MPRIP: variants seen among roughly 807,000 people sequenced by gnomAD.
The protein encoded by MPRIP is myosin phosphatase Rho interacting protein.
Under a neutral mutation model 234.9 loss-of-function variants are expected in MPRIP, and 59 were observed. The observed-to-expected ratio is 0.25, with a 90% CI of 0.20 to 0.31. MPRIP has a LOEUF of 0.31. Among genes scored for constraint, MPRIP ranks in the 10% least tolerant of loss-of-function variants. The probability of loss-of-function intolerance (pLI) is 1.00; values close to 1 mark genes in which losing one functional copy is unlikely to be tolerated. For synonymous variants in MPRIP, 1,144 were observed against 1,263.9 expected, an observed-to-expected ratio of 0.91 and a Z score of 2.01; for missense variants, 2,436 against 3,071.0, an observed-to-expected ratio of 0.79 and a Z score of 4.89.
Position 17,075,701 on chromosome 17 carries a change from C to T in MPRIP, c.124-9C>T. 2 of 1,613,552 alleles carry T rather than the reference C, an allele frequency of 1.2e-6. No homozygotes were observed. The highest frequency in any genetic ancestry group is 8.5e-7 in the Non-Finnish European group (1 of 1,179,738). On this transcript the variant is annotated splice_polypyrimidine_tract_variant and intron_variant, in intron 1 of 23. Transcript: ENST00000651222. ...CTGCTGGTGACCTGCCCTCTTTTTT[C>T]TCCTCTAGGCAAAACCCATTTATGG... is the stretch of plus-strand genomic sequence containing the variant.
At position 17,078,092 on chromosome 17, in the gene MPRIP, G is replaced by T. The variant is rs763800593; in HGVS notation, c.267+16G>T. On this transcript the variant is annotated intron_variant, in intron 3 of 23. Transcript: ENST00000651222. This position sits in a 1 kb window ranked among gnomAD's most constrained non-coding sequence, Gnocchi z 4.3. Reference sequence around the variant, plus strand: ...GGATGAGATGGTAAGTGTTATCCTTGCCCACTCCCTGTCCCCAGCCTTCAC... The same window carrying T: ...GGATGAGATGGTAAGTGTTATCCTTTCCCACTCCCTGTCCCCAGCCTTCAC... 6.2e-7 allele frequency: 1 copy of T among 1,613,650 alleles called. No homozygotes were observed. The highest frequency in any genetic ancestry group is 1.3e-5 in the African/African-American group (1 of 75,002).
chr17:17,156,261 C>T (rs773654704), intron 13 of MPRIP, among the ~76,000 whole-genome samples: 7 of 152,242 alleles, frequency 4.6e-5, no homozygotes, highest in East Asian at 1.9e-4. Flanking sequence ...TGCTTCCCTG[C>T]GTGCAGGGGC....
intron 5 of MPRIP, among the ~76,000 whole-genome samples, chr17:17,133,543 C>G (rs1444153358): frequency 1.3e-5 from 2 of 152,202 alleles, no homozygotes; most frequent in Non-Finnish European, 2.9e-5. Context: ...ACCCAAGACC[C>G]TATATTTCTT....
At chr17:17,050,838 C>T (rs568552224) in intron 1 of MPRIP, among the ~76,000 whole-genome samples, 1 of 152,160 alleles carries the variant, frequency 6.6e-6, no homozygotes, top group African/African-American at 2.4e-5. Context: ...CGGTGAGGGC[C>T]GTGGTGGGCA....
chr17:17,188,157 G>A lies in MPRIP; in HGVS notation c.*3263G>A, dbSNP rs1488667000. ...TGGAGACCAGCATTTCAGAGGACGC[G>A]CTGTCCACAGCCTCCCGGGTCTGAG... On this transcript the variant is annotated 3_prime_UTR_variant, in exon 24 of 24. Coordinates refer to ENST00000651222, the MANE Select transcript of MPRIP (RefSeq NM_001364716.4). 6.6e-6 allele frequency: 1 copy of A among 152,204 alleles called. No homozygotes were observed. Among genetic ancestry groups the A allele is most frequent in the Non-Finnish European group, 1.5e-5 (1 of 68,044 alleles). The allele number at this position is 152,204 out of a possible 1,614,324, so 9.4% of individuals were successfully genotyped here.
At chr17:17,069,859 T>C (rs2089152006) in intron 1 of MPRIP, among the ~76,000 whole-genome samples, 1 of 152,228 alleles carries the variant, frequency 6.6e-6, no homozygotes, top group Non-Finnish European at 1.5e-5. Context: ...TTTCTTCCTT[T>C]CAGATGTTCC....
At chr17:17,063,998 G>A (rs1462510741) in intron 1 of MPRIP, among the ~76,000 whole-genome samples, 2 of 152,208 alleles carry the variant, frequency 1.3e-5, no homozygotes, top group South Asian at 2.1e-4. Flanking sequence ...GGTGGTGAGG[G>A]GAAGGGACAG....
chr17:17,069,228 C>A (rs1016509832), intron 1 of MPRIP, among the ~76,000 whole-genome samples: 1 of 151,706 alleles, frequency 6.6e-6, no homozygotes, highest in African/African-American at 2.4e-5. Context: ...TATAATTTAT[C>A]TGATAACATA....
chr17:17,071,753 A>G (rs2089200272), intron 1 of MPRIP, among the ~76,000 whole-genome samples: 1 of 152,120 alleles, frequency 6.6e-6, no homozygotes, highest in African/African-American at 2.4e-5. Context: ...GGTCACTTTT[A>G]TATGGGATCC....
chr17:17,177,107 T>G (rs2046271596), intron 21 of MPRIP, 143 bp from the exon 22 acceptor site: 20 of 815,066 alleles, frequency 2.5e-5, no homozygotes, highest in Non-Finnish European at 3.4e-5. Flanking sequence ...ACTGTCTGCC[T>G]CTAGAAGACA....
At chr17:17,161,559 AT>A (rs1472296943) in intron 15 of MPRIP, among the ~76,000 whole-genome samples, 1 of 152,068 alleles carries the variant, frequency 6.6e-6, no homozygotes, top group Non-Finnish European at 1.5e-5. Flanking sequence ...CTGATATGAC[AT>A]TTTGGGGAAT....
At chr17:17,088,034 T>TTGCC (rs2089631377) in intron 3 of MPRIP, among the ~76,000 whole-genome samples, 1 of 152,240 alleles carries the variant, frequency 6.6e-6, no homozygotes, top group African/African-American at 2.4e-5. Context: ...CTTCCCTGTG[T>TTGCC]TGCCTGAGTG....
intron 1 of MPRIP, among the ~76,000 whole-genome samples, chr17:17,044,750 A>C (rs73277608): frequency 0.07 from 10,706 of 152,152 alleles, 439 homozygotes; most frequent in African/African-American, 0.099. Flanking sequence ...GATTTTTTTT[A>C]ATCTGTTGAT....
At chr17:17,050,314 C>CAAAA (rs66950979) in intron 1 of MPRIP, among the ~76,000 whole-genome samples, 19 of 92,258 alleles carry the variant, frequency 2.1e-4, no homozygotes, top group South Asian at 3.9e-4. Context: ...GACTCCGTCT[C>CAAAA]AAAAAAAAAA....
rs1472102392 is a variant in MPRIP at position 17,158,732 on chromosome 17, C to T, written c.2130C>T (p.Arg710=). ...ERERARRREE[R]RKRFGMLDAT... The stretch of plus-strand genomic sequence containing the variant: ...AGCGTGCACGGAGGCGGGAGGAGCG[C>T]CGCAAGCGCTTCGGGATGCTCGACG... Residue 710 remains arginine (R), a synonymous_variant, in exon 14 of 24, where the codon CGC becomes CGT. Transcript: ENST00000651222. The T allele has an allele frequency of 4.3e-6, 7 of 1,610,680 alleles. No homozygotes were observed. In the Middle Eastern group the frequency reaches 6.1e-4, roughly 141 times the overall value.
intron 1 of MPRIP, among the ~76,000 whole-genome samples, chr17:17,070,335 C>G (rs553408848): frequency 6.6e-6 from 1 of 152,272 alleles, no homozygotes; most frequent in African/African-American, 2.4e-5. Context: ...TCTAGCCATT[C>G]TTTGAGCCCT....
At chr17:17,101,134 A>G (rs1262754382) in intron 3 of MPRIP, among the ~76,000 whole-genome samples, 2 of 152,200 alleles carry the variant, frequency 1.3e-5, no homozygotes, top group Non-Finnish European at 2.9e-5. Context: ...ATGTCCTGCT[A>G]TGCTTGTGTG....
rs3898611 is a variant in MPRIP, at chr17:17,042,624, C to T, written c.-225C>T. The T allele has an allele frequency of 0.036, 7,862 of 219,700 alleles. 260 individuals carry two copies. Among genetic ancestry groups the T allele is most frequent in the East Asian group, 0.12 (655 of 5,352 alleles). 13.6% of individuals were successfully genotyped at this position (219,700 alleles called of 1,614,324 possible). On this transcript the variant is annotated 5_prime_UTR_variant, in exon 1 of 24. Transcript: ENST00000651222. ...CCATGGGCCCGCGGCGGCCGGGCGG[C>T]GGCGGTGCGGGCGGGAGCTGGGCGT...
Position 17,185,437 on chromosome 17 carries a change from T to A in MPRIP, c.*543T>A. The A allele has an allele frequency of 2.2e-6, 1 of 451,274 alleles. No individual in the cohort carries two copies. Among genetic ancestry groups the A allele is most frequent in the Non-Finnish European group, 4.5e-6 (1 of 223,652 alleles). The allele number at this position is 451,274 out of a possible 1,614,324, so 28.0% of individuals were successfully genotyped here. On this transcript the variant is annotated 3_prime_UTR_variant, in exon 24 of 24. Coordinates refer to ENST00000651222, the MANE Select transcript of MPRIP (RefSeq NM_001364716.4). ...CCCAGGAGGAGGACAGCATTTTGTA[T>A]TTGTTCCACTGATGCAGCTTAGAAC...
Sources: allele counts gnomAD v4.1 joint callset (sites outside exome capture counted in the v4.1 genomes callset), GRCh38; gene constraint gnomAD v4.1.1; non-coding constraint Gnocchi (gnomAD v3.1); transcripts MANE v1.5; gene names NCBI Gene and HGNC (gene_info 2026-07-23, HGNC 2026-07-21).